The following SPPL3 variants were observed in gnomAD, a reference collection of about 807,000 sequenced individuals.
SPPL3 encodes the protein signal peptide peptidase-like 3.
In SPPL3, 5 loss-of-function variants were observed where a neutral mutation model predicts 42.4. The ratio of observed to expected loss-of-function variants is 0.12; its 90% CI spans 0.06 to 0.25. SPPL3 has a LOEUF of 0.25. Ranked by LOEUF, SPPL3 falls within the 10% of genes least tolerant of loss-of-function variation. The pLI, the probability that SPPL3 is intolerant of heterozygous loss-of-function variation, is 1.00. For synonymous variants in SPPL3, 195 were observed against 181.8 expected (o/e 1.07, Z -0.58); for missense variants, 235 against 489.0 (o/e 0.48, Z 4.90).
At chr12:120,786,723 C>T (rs544881068) in intron 3 of SPPL3, among the ~76,000 whole-genome samples, 69 of 152,000 alleles carry the variant, frequency 4.5e-4, no homozygotes, top group African/African-American at 1.6e-3. Flanking sequence ...GCCTTTAGTT[C>T]CTGACAATAT....
chr12:120,786,888 C>T (rs187471976), intron 3 of SPPL3, among the ~76,000 whole-genome samples: 1 of 152,124 alleles, frequency 6.6e-6, no homozygotes, highest in Non-Finnish European at 1.5e-5. Flanking sequence ...GCAAAACAGA[C>T]TAGCCATAAT....
intron 1 of SPPL3, among the ~76,000 whole-genome samples, chr12:120,834,824 C>T (rs1871553065): frequency 6.6e-6 from 1 of 152,070 alleles, no homozygotes; most frequent in Non-Finnish European, 1.5e-5. Context: ...GTAAAATGTG[C>T]CAAAACTATA....
chr12:120,851,692 C>G (rs989795474), intron 1 of SPPL3, among the ~76,000 whole-genome samples: 1 of 152,154 alleles, frequency 6.6e-6, no homozygotes, highest in Non-Finnish European at 1.5e-5. Context: ...GAGCCTTGAC[C>G]TCCCCGGGTC....
At chr12:120,849,329 T>G (rs1473608473) in intron 1 of SPPL3, among the ~76,000 whole-genome samples, 3 of 152,188 alleles carry the variant, frequency 2.0e-5, no homozygotes, top group African/African-American at 7.2e-5. Flanking sequence ...AAAAATAATT[T>G]CAGGTAATCA....
At chr12:120,791,297 G>A (rs1054501347) in intron 3 of SPPL3, among the ~76,000 whole-genome samples, 172 bp downstream of exon 3, 2 of 152,024 alleles carry the variant, frequency 1.3e-5, no homozygotes, top group East Asian at 1.9e-4. Context: ...TTTTATTAAC[G>A]TTATTGAGGT....
chr12:120,902,302 A>G (rs1188528996), intron 1 of SPPL3, among the ~76,000 whole-genome samples: 3 of 152,206 alleles, frequency 2.0e-5, no homozygotes, highest in South Asian at 4.1e-4. Context: ...ATCATCTTCA[A>G]TCCCCAACTC....
At chr12:120,891,594 ATAG>A (rs1003086630) in intron 1 of SPPL3, among the ~76,000 whole-genome samples, 16 of 152,318 alleles carry the variant, frequency 1.1e-4, no homozygotes, top group African/African-American at 3.8e-4. Flanking sequence ...AATTCCTGAA[ATAG>A]TAGTGAGAGA....
chr12:120,820,460 C>T (rs1284275429), intron 1 of SPPL3, among the ~76,000 whole-genome samples: 2 of 151,986 alleles, frequency 1.3e-5, no homozygotes, highest in African/African-American at 4.8e-5. Context: ...GGACTACAGG[C>T]GCCTGCCACC....
At chr12:120,779,270 A>C (rs1869439840) in intron 6 of SPPL3, among the ~76,000 whole-genome samples, 1 of 152,178 alleles carries the variant, frequency 6.6e-6, no homozygotes, top group Non-Finnish European at 1.5e-5. Context: ...GGGCTCAGAC[A>C]ATGATGAACA....
intron 1 of SPPL3, among the ~76,000 whole-genome samples, chr12:120,867,936 G>A (rs1314481060): frequency 3.9e-5 from 6 of 151,944 alleles, no homozygotes; most frequent in Middle Eastern, 3.4e-3. Context: ...TTGTAGAGAC[G>A]GGGTTTCACC....
rs1868749278 is a variant in SPPL3 at position 120,763,533 on chromosome 12, C to T, written c.*1466G>A. On this transcript the variant is annotated 3_prime_UTR_variant, in exon 11 of 11. Transcript: ENST00000353487. ...ATGCCAACCGCAGGCTTCTCTTTGC[C>T]TCTGAACAATGGGCACCTTCTTACC... 1 of 152,764 alleles carries T rather than the reference C, an allele frequency of 6.5e-6. No individual in the cohort carries two copies. Among genetic ancestry groups the T allele is most frequent in the South Asian group, 2.1e-4 (1 of 4,836 alleles). 9.5% of individuals were successfully genotyped at this position (152,764 alleles called of 1,614,324 possible). A position where few individuals can be genotyped will look rare whatever the true frequency, so the allele number is the denominator to read the frequency against.
intron 1 of SPPL3, among the ~76,000 whole-genome samples, chr12:120,899,518 AAGG>A (rs201553077): frequency 0.016 from 2,471 of 152,240 alleles, 27 homozygotes; most frequent in South Asian, 0.067. Context: ...CCTTACTCTC[AAGG>A]AGTTTACAAT....
chr12:120,797,500 GTT>G (rs577120689), intron 2 of SPPL3, among the ~76,000 whole-genome samples: 1 of 151,882 alleles, frequency 6.6e-6, no homozygotes, highest in South Asian at 2.1e-4. Context: ...GGGTTTACAT[GTT>G]TTTTTTATTG....
chr12:120,899,610 GCCGGGCACAGTGGCTCA>G (rs777532155), intron 1 of SPPL3, among the ~76,000 whole-genome samples: 1 of 152,028 alleles, frequency 6.6e-6, no homozygotes. Flanking sequence ...TAAAAAGATC[GCCGGGCACAGTGGCTCA>G]CACCTATAAT....
At chr12:120,792,836 T>C (rs1341563900) in intron 2 of SPPL3, among the ~76,000 whole-genome samples, 7 of 152,122 alleles carry the variant, frequency 4.6e-5, no homozygotes, top group Non-Finnish European at 5.9e-5. Context: ...ACAGAGGAAC[T>C]GACTTCTAAA....
intron 1 of SPPL3, among the ~76,000 whole-genome samples, chr12:120,829,252 C>T (rs1871321999): frequency 6.6e-6 from 1 of 152,116 alleles, no homozygotes; most frequent in African/African-American, 2.4e-5. Context: ...TCTTAAAACA[C>T]AGAACAGATC....
chr12:120,848,357 T>C (rs1872112562), intron 1 of SPPL3, among the ~76,000 whole-genome samples: 1 of 152,186 alleles, frequency 6.6e-6, no homozygotes, highest in African/African-American at 2.4e-5. Context: ...AGGGACACCA[T>C]GGGTCTAGAG....
intron 1 of SPPL3, among the ~76,000 whole-genome samples, chr12:120,827,597 C>A (rs1217700093): frequency 6.6e-6 from 1 of 152,104 alleles, no homozygotes; most frequent in Non-Finnish European, 1.5e-5. Context: ...CCCATCCAGG[C>A]AGCCTGGTTC....
intron 1 of SPPL3, among the ~76,000 whole-genome samples, chr12:120,895,286 G>A (rs1012596766): frequency 5.3e-5 from 8 of 152,136 alleles, no homozygotes; most frequent in Admixed American, 1.3e-4. Flanking sequence ...AATTAGCCGC[G>A]TGTATTGGCG....
Sources: allele counts gnomAD v4.1 joint callset (sites outside exome capture counted in the v4.1 genomes callset), GRCh38; gene constraint gnomAD v4.1.1; transcripts MANE v1.5; gene names NCBI Gene and HGNC (gene_info 2026-07-23, HGNC 2026-07-21).